Variants in CCDC171 observed in about 807,000 individuals in gnomAD.
CCDC171 encodes the protein coiled-coil domain containing 171.
A neutral mutation model predicts 168.2 loss-of-function variants in CCDC171; 177 were observed. The observed-to-expected ratio is 1.05, with a 90% CI of 0.93 to 1.19. The LOEUF (loss-of-function observed/expected upper bound fraction) is 1.19, where lower values mean the gene tolerates loss of function less well. Among genes scored for constraint, CCDC171 ranks in the 50% most tolerant of loss-of-function variants. CCDC171 has a pLI of 0.00. For synonymous variants in CCDC171, 687 were observed against 540.8 expected (o/e 1.27, Z -3.75); for missense variants, 1,991 against 1,539.0 (o/e 1.29, Z -4.91).
intron 23 of CCDC171, among the ~76,000 whole-genome samples, chr9:15,858,345 A>G (rs543160995): frequency 6.6e-6 from 1 of 151,920 alleles, no homozygotes; most frequent in South Asian, 2.1e-4. Flanking sequence ...TTGAAGTCAG[A>G]AAGTGTGAGG....
chr9:16,085,990 G>A, the CCDC171 span, among the ~76,000 whole-genome samples: 1 of 152,120 alleles, frequency 6.6e-6, no homozygotes, highest in South Asian at 2.1e-4. Context: ...AAATGAGTTA[G>A]GGAGAAGTTT....
chr9:15,785,568 G>C (rs1304400044), intron 21 of CCDC171, among the ~76,000 whole-genome samples: 1 of 152,052 alleles, frequency 6.6e-6, no homozygotes, highest in African/African-American at 2.4e-5. Context: ...CACACAAACT[G>C]TATGGGATTA....
intron 8 of CCDC171, among the ~76,000 whole-genome samples, chr9:15,661,771 T>C (rs2048341171): frequency 6.6e-6 from 1 of 152,234 alleles, no homozygotes; most frequent in Admixed American, 6.5e-5. Context: ...TTTCTTTCAA[T>C]TGATTGGTTT....
chr9:15,577,925 T>G (rs1320589007), intron 3 of CCDC171, among the ~76,000 whole-genome samples: 1 of 152,192 alleles, frequency 6.6e-6, no homozygotes, highest in Non-Finnish European at 1.5e-5. Context: ...CACATGTGCC[T>G]CTCATTGATC....
At chr9:15,793,669 C>T (rs985134817) in intron 21 of CCDC171, among the ~76,000 whole-genome samples, 35 of 146,174 alleles carry the variant, frequency 2.4e-4, no homozygotes, top group African/African-American at 8.6e-4. Flanking sequence ...TCTTCCTCAG[C>T]GTCCCAGGTA....
At chr9:15,995,362 C>T (rs867931320) in intron 3 of CCDC171, among the ~76,000 whole-genome samples, 24 of 152,216 alleles carry the variant, frequency 1.6e-4, no homozygotes, top group African/African-American at 5.8e-4. Flanking sequence ...GTTTGTGAAA[C>T]CAGTTGTGAA....
At chr9:15,813,079 C>T (rs73420325) in intron 21 of CCDC171, among the ~76,000 whole-genome samples, 75 of 152,302 alleles carry the variant, frequency 4.9e-4, no homozygotes, top group African/African-American at 1.5e-3. Context: ...TGGCCAAAAA[C>T]GCAGCCTGTG....
chr9:15,755,128 A>ACCC (rs2134950248), intron 18 of CCDC171, among the ~76,000 whole-genome samples: 1 of 152,226 alleles, frequency 6.6e-6, no homozygotes, highest in African/African-American at 2.4e-5. Context: ...TCAAATAGGA[A>ACCC]TTTTTCCTCC....
intron 18 of CCDC171, among the ~76,000 whole-genome samples, chr9:15,770,155 A>G (rs985894512): frequency 6.6e-6 from 1 of 152,210 alleles, no homozygotes; most frequent in Non-Finnish European, 1.5e-5. Flanking sequence ...TATATTTGTA[A>G]ATCAGGACTT....
At chr9:16,006,670 G>A (rs1339106154) in intron 3 of CCDC171, among the ~76,000 whole-genome samples, 1 of 151,468 alleles carries the variant, frequency 6.6e-6, no homozygotes, top group Non-Finnish European at 1.5e-5. Context: ...CTATGAGTGA[G>A]AACATGCAGT....
chr9:15,680,117 T>C (rs1175531162), intron 10 of CCDC171, among the ~76,000 whole-genome samples: 1 of 152,198 alleles, frequency 6.6e-6, no homozygotes, highest in African/African-American at 2.4e-5. Flanking sequence ...ATTTGATGTG[T>C]ATTATGTCTC....
intron 11 of CCDC171, among the ~76,000 whole-genome samples, chr9:15,714,734 A>C (rs1004883422): frequency 6.6e-6 from 1 of 152,182 alleles, no homozygotes; most frequent in African/African-American, 2.4e-5. Context: ...TAGGTCTGTG[A>C]ATTAGCTCAA....
chr9:15,846,757 T>A lies in CCDC171; in HGVS notation c.3323T>A (p.Leu1108His), dbSNP rs1484634147. Residue 1108 changes from leucine (L) to histidine (H), a missense_variant, in exon 22 of 26, where the codon CTC (leucine) becomes CAC (histidine). Physicochemically the swap from Leu to His is moderately conservative, Grantham distance 99. Transcript: ENST00000380701. ...LRRKDQSLRQ[L>H]NRHLTQLEQD... ...AGAAAAGATCAATCTCTGCGTCAGCTCAATAGACATCTTACCCAGCTGGAG... is the reference window on the plus strand; with the variant it reads ...AGAAAAGATCAATCTCTGCGTCAGCACAATAGACATCTTACCCAGCTGGAG... 6.2e-7 allele frequency: 1 copy of A among 1,612,860 alleles called. No individual in the cohort carries two copies. Among genetic ancestry groups the A allele is most frequent in the Non-Finnish European group, 8.5e-7 (1 of 1,179,406 alleles).
At chr9:15,704,560 C>G (rs527441407) in intron 11 of CCDC171, among the ~76,000 whole-genome samples, 1 of 152,130 alleles carries the variant, frequency 6.6e-6, no homozygotes. Context: ...GGGACAGTAG[C>G]AAAATTGTTT....
At chr9:15,835,855 T>C (rs1456141233) in intron 21 of CCDC171, among the ~76,000 whole-genome samples, 1 of 152,228 alleles carries the variant, frequency 6.6e-6, no homozygotes, top group Non-Finnish European at 1.5e-5. Flanking sequence ...TGTACCTATT[T>C]ACATATATAC....
rs1476881862 is a variant in CCDC171, at chr9:15,581,379, C to G, written c.352+2356C>G. On this transcript the variant is annotated intron_variant, in intron 4 of 25. Coordinates refer to ENST00000380701, the MANE Select transcript of CCDC171 (RefSeq NM_173550.4). ...CCCAAAGTAATGTATAGATTGAATG[C>G]TGTCCCCATCAAGCTACCACTGGCT... 2.0e-5 allele frequency among the ~76,000 whole-genome samples: 3 copies of G among 152,142 alleles called. No individual in the cohort carries two copies. The South Asian group carries it at 6.2e-4, about 32-fold the overall frequency.
chr9:15,573,335 G>T (rs1333626656), intron 3 of CCDC171, among the ~76,000 whole-genome samples: 1 of 152,072 alleles, frequency 6.6e-6, no homozygotes, highest in African/African-American at 2.4e-5. Flanking sequence ...GAGTGCAGTG[G>T]AGCGATCTCG....
intron 10 of CCDC171, among the ~76,000 whole-genome samples, chr9:15,687,381 CAA>C: frequency 6.6e-6 from 1 of 151,332 alleles, no homozygotes; most frequent in Non-Finnish European, 1.5e-5. Flanking sequence ...TTTTTGAGTC[CAA>C]GAGTTTGAGG....
At chr9:16,059,081 A>G (rs894822070) in intron 1 of CCDC171, among the ~76,000 whole-genome samples, 3 of 152,228 alleles carry the variant, frequency 2.0e-5, no homozygotes, top group Non-Finnish European at 2.9e-5. Flanking sequence ...GCTGGCTCCA[A>G]AAGAAATGCT....
Sources: gnomAD v4.1 joint callset for allele counts (sites outside exome capture counted in the v4.1 genomes callset) on GRCh38, gnomAD v4.1.1 for gene constraint, MANE v1.5 for transcripts, NCBI Gene and HGNC (gene_info 2026-07-23, HGNC 2026-07-21) for gene names.